CCDC171: variants seen among roughly 807,000 people sequenced by gnomAD.
CCDC171 encodes coiled-coil domain containing 171.
CCDC171 carries 177 observed loss-of-function variants against 168.2 expected under a neutral mutation model. The observed-to-expected ratio is 1.05, with a 90% CI of 0.93 to 1.19. The LOEUF is 1.19. Ranked by LOEUF, CCDC171 falls within the 50% of genes most tolerant of loss-of-function variation. The probability of loss-of-function intolerance (pLI) is 0.00; values close to 1 mark genes in which losing one functional copy is unlikely to be tolerated. For missense variants in CCDC171, 1,991 were observed against 1,539.0 expected (o/e 1.29, Z -4.91); for synonymous variants, 687 against 540.8 (o/e 1.27, Z -3.75).
chr9:15,903,313 G>A (rs565848141), intron 24 of CCDC171, among the ~76,000 whole-genome samples: 30 of 152,160 alleles, frequency 2.0e-4, no homozygotes, highest in Admixed American at 5.9e-4. Flanking sequence ...TCACATGGCC[G>A]GGTACTCCTC....
intron 3 of CCDC171, among the ~76,000 whole-genome samples, chr9:16,005,381 A>T (rs1832666440): frequency 6.6e-6 from 1 of 152,074 alleles, no homozygotes; most frequent in African/African-American, 2.4e-5. Flanking sequence ...TTGCCACATT[A>T]TGTTCATCCA....
At chr9:15,891,342 G>A (rs140215271) in intron 24 of CCDC171, among the ~76,000 whole-genome samples, 1 of 152,172 alleles carries the variant, frequency 6.6e-6, no homozygotes, top group Non-Finnish European at 1.5e-5. Context: ...TCTCAACCCT[G>A]CAAGCTATTT....
chr9:15,619,217 T>G (rs1346962459), intron 6 of CCDC171, among the ~76,000 whole-genome samples: 1 of 152,180 alleles, frequency 6.6e-6, no homozygotes, highest in Non-Finnish European at 1.5e-5. Context: ...GGCTCACACC[T>G]GTTTCATTTT....
intron 7 of CCDC171, among the ~76,000 whole-genome samples, chr9:15,624,129 C>G (rs1181100677): frequency 2.0e-5 from 3 of 151,942 alleles, no homozygotes; most frequent in Non-Finnish European, 4.4e-5. Flanking sequence ...CACTGTGTCA[C>G]TTAACACTGT....
At chr9:15,741,369 A>G (rs904540091) in intron 16 of CCDC171, among the ~76,000 whole-genome samples, 48 of 152,216 alleles carry the variant, frequency 3.2e-4, no homozygotes, top group African/African-American at 1.1e-3. Flanking sequence ...TATATTTTGT[A>G]TAAATGGAGT....
intron 24 of CCDC171, among the ~76,000 whole-genome samples, chr9:15,902,278 A>G (rs1284077687): frequency 6.7e-6 from 1 of 150,214 alleles, no homozygotes; most frequent in African/African-American, 2.5e-5. Context: ...ATATATATAT[A>G]TATACACACA....
At chr9:15,781,588 T>C (rs2057671255) in intron 20 of CCDC171, among the ~76,000 whole-genome samples, 1 of 152,086 alleles carries the variant, frequency 6.6e-6, no homozygotes, top group South Asian at 2.1e-4. Context: ...ATTTTTTGTA[T>C]TTTTAGTAGA....
chr9:15,821,131 C>G (rs923550814), intron 21 of CCDC171, among the ~76,000 whole-genome samples: 1 of 117,402 alleles, frequency 8.5e-6, no homozygotes, highest in Non-Finnish European at 1.9e-5. Flanking sequence ...TGACAAAATT[C>G]AACAACGCTT....
At chr9:15,567,109 T>TC (rs1311560122) in intron 2 of CCDC171, among the ~76,000 whole-genome samples, 1 of 151,196 alleles carries the variant, frequency 6.6e-6, no homozygotes, top group African/African-American at 2.4e-5. Flanking sequence ...GCAACCTCTG[T>TC]CCCCCGGGTT....
At chr9:15,755,259 T>C (rs1417974) in intron 18 of CCDC171, among the ~76,000 whole-genome samples, 144,053 of 152,208 alleles carry the variant, frequency 0.95, 68,204 homozygotes, top group East Asian at 1. Flanking sequence ...TTTCAGGCAT[T>C]AGGATTGTGT....
intron 23 of CCDC171, among the ~76,000 whole-genome samples, chr9:15,863,178 A>T (rs984789788): frequency 6.6e-6 from 1 of 151,994 alleles, no homozygotes; most frequent in South Asian, 2.1e-4. Flanking sequence ...GCACAGTCCA[A>T]TTCCTTCCCT....
chr9:15,897,656 G>C (rs75075668), intron 24 of CCDC171, among the ~76,000 whole-genome samples: 74 of 152,146 alleles, frequency 4.9e-4, no homozygotes, highest in African/African-American at 1.7e-3. Context: ...AATTCAAAAG[G>C]GGTTTGCTTT....
intron 4 of CCDC171, 148 bp from the exon 5 acceptor site, chr9:15,591,218 G>A: frequency 1.9e-6 from 1 of 530,954 alleles, no homozygotes; most frequent in Non-Finnish European, 3.3e-6. Flanking sequence ...GGAATGGAAA[G>A]GTTTTCAAGA....
At chr9:15,903,312 C>T (rs140851803) in intron 24 of CCDC171, among the ~76,000 whole-genome samples, 14,251 of 152,042 alleles carry the variant, frequency 0.094, 893 homozygotes, top group Non-Finnish European at 0.14. Context: ...CTCACATGGC[C>T]GGGTACTCCT....
intron 6 of CCDC171, among the ~76,000 whole-genome samples, chr9:16,033,551 C>T (rs1397241326): frequency 6.6e-6 from 1 of 152,212 alleles, no homozygotes; most frequent in African/African-American, 2.4e-5. Flanking sequence ...TGCAGGAAAA[C>T]AAGCTCAGGG....
At chr9:15,652,892 G>C (rs990137416) in intron 7 of CCDC171, among the ~76,000 whole-genome samples, 14 of 152,146 alleles carry the variant, frequency 9.2e-5, no homozygotes, top group Non-Finnish European at 1.3e-4. Context: ...TGCTTCTGAT[G>C]ATGTAATTGC....
chr9:15,930,854 A>G (rs1451681121), intron 25 of CCDC171, among the ~76,000 whole-genome samples: 1 of 151,694 alleles, frequency 6.6e-6, no homozygotes, highest in Non-Finnish European at 1.5e-5. Context: ...AATTGCACAT[A>G]TATCTGGGGT....
At chr9:16,013,497 C>A (rs1018149350) in intron 3 of CCDC171, among the ~76,000 whole-genome samples, 7 of 152,196 alleles carry the variant, frequency 4.6e-5, no homozygotes, top group African/African-American at 1.7e-4. Context: ...TCCCACCTTC[C>A]TATGGGAGGC....
chr9:15,681,506 A>G (rs1056759080), intron 10 of CCDC171, among the ~76,000 whole-genome samples: 5 of 151,860 alleles, frequency 3.3e-5, no homozygotes, highest in Admixed American at 1.3e-4. Flanking sequence ...GCTGTTCTCT[A>G]TTTCTTTACC....
Sources: gnomAD v4.1 joint callset for allele counts (sites outside exome capture counted in the v4.1 genomes callset) on GRCh38, gnomAD v4.1.1 for gene constraint, MANE v1.5 for transcripts, NCBI Gene and HGNC (gene_info 2026-07-23, HGNC 2026-07-21) for gene names.